LEMD2: variants seen among roughly 807,000 people sequenced by gnomAD.
The protein encoded by LEMD2 is LEM domain nuclear envelope protein 2, also known as LEM domain-containing protein 2.
Under a neutral mutation model 58.8 loss-of-function variants are expected in LEMD2, and 34 were observed. The ratio of observed to expected loss-of-function variants is 0.58; its 90% CI spans 0.44 to 0.77. The LOEUF is 0.77. Ranked by LOEUF, LEMD2 falls within the 30% of genes least tolerant of loss-of-function variation. The pLI, the probability that LEMD2 is intolerant of heterozygous loss-of-function variation, is 0.00. For synonymous variants in LEMD2, 298 were observed against 308.9 expected, an observed-to-expected ratio of 0.96 and a Z score of 0.37; for missense variants, 629 against 717.9, an observed-to-expected ratio of 0.88 and a Z score of 1.42.
chr6:33,788,276 G>T, intron 1 of LEMD2, 105 bp downstream of exon 1: 1 of 1,200,656 alleles, frequency 8.3e-7, no homozygotes, highest in Non-Finnish European at 1.1e-6. Context: ...GTCAGAGGCA[G>T]CTGACAAGGC....
chr6:33,772,628 T>C lies in LEMD2; in HGVS notation c.1512A>G (p.Ter504=). 1.2e-6 allele frequency: 2 copies of C among 1,613,266 alleles called. No homozygotes were observed. Residue 504 remains the stop codon, a stop_retained_variant, in exon 9 of 9, where the codon TAA becomes TAG. Transcript: ENST00000293760. The part of the protein sequence containing the change: ...KPSSFSDSER[*] ...CCGGGAACAAGTCCCCGCCCGGGGC[T>C]TATCGCTCTGAGTCAGAGAAGGAAG... is the stretch of plus-strand genomic sequence containing the variant.
chr6:33,777,077 T>C (rs1193359405), intron 7 of LEMD2, 21 bp from the exon 8 acceptor site: 1 of 1,612,174 alleles, frequency 6.2e-7, no homozygotes, highest in Non-Finnish European at 8.5e-7. Flanking sequence ...GAGCACACCA[T>C]TTAGGGCAAG....
Position 33,772,461 on chromosome 6 carries a change from G to C in LEMD2, c.*167C>G, listed in dbSNP as rs775501586. 1.7e-6 allele frequency: 1 copy of C among 586,520 alleles called. No individual in the cohort carries two copies. Among genetic ancestry groups the C allele is most frequent in the Non-Finnish European group, 2.9e-6 (1 of 348,306 alleles). 36.3% of individuals were successfully genotyped at this position (586,520 alleles called of 1,614,324 possible). A position where few individuals can be genotyped will look rare whatever the true frequency, so the allele number is the denominator to read the frequency against. ...TTAAAGGAAGCCCACATTTTCCTGC[G>C]AGCCGAACTCCTCTGAAGAGTATGG... is the stretch of plus-strand genomic sequence containing the variant. On this transcript the variant is annotated 3_prime_UTR_variant, in exon 9 of 9. Coordinates refer to ENST00000293760, the MANE Select transcript of LEMD2 (RefSeq NM_181336.4).
In LEMD2 at chr6:33,778,763, A is replaced by G. The variant is rs983813427; in HGVS notation, c.1011-376T>C. 10 of 163,802 alleles carry G rather than the reference A, an allele frequency of 6.1e-5. No individual in the cohort carries two copies. Among genetic ancestry groups the G allele is most frequent in the Non-Finnish European group, 1.3e-4 (10 of 76,148 alleles). 10.1% of individuals were successfully genotyped at this position (163,802 alleles called of 1,614,324 possible). A position where few individuals can be genotyped will look rare whatever the true frequency, so the allele number is the denominator to read the frequency against. On this transcript the variant is annotated intron_variant, in intron 5 of 8. Coordinates refer to ENST00000293760, the MANE Select transcript of LEMD2 (RefSeq NM_181336.4). This position sits in a 1 kb window ranked among gnomAD's most constrained non-coding sequence, Gnocchi z 4.7. ...AATTGCATGGCAAGAACTGAAAGAC[A>G]GAATCTGGGAGGTTGCACTTTTCCT...
Position 33,786,941 on chromosome 6 carries a change from T to C in LEMD2, c.737-167A>G. ...CACTTTTAAAATGCAGACAGCAAAA[T>C]GTAAGGGTATCCAAATCCTGGATTA... On this transcript the variant is annotated intron_variant, in intron 1 of 8. Coordinates refer to ENST00000293760, the MANE Select transcript of LEMD2 (RefSeq NM_181336.4). 2.1e-6 allele frequency: 3 copies of C among 1,416,634 alleles called. No homozygotes were observed. The South Asian group carries it at 4.8e-5, about 23-fold the overall frequency. The allele number at this position is 1,416,634 out of a possible 1,614,324, so 87.8% of individuals were successfully genotyped here.
In LEMD2 at chr6:33,781,171, A is replaced by C; in HGVS notation, c.854-18T>G. 7.0e-7 allele frequency: 1 copy of C among 1,420,838 alleles called. No homozygotes were observed. The highest frequency in any genetic ancestry group is 9.9e-7 in the Non-Finnish European group (1 of 1,006,980). The allele number at this position is 1,420,838 out of a possible 1,614,324, so 88.0% of individuals were successfully genotyped here. ...AAAATTACCTAGGAGAAAAAAAACC[A>C]CACATGCTCAAACACAAAGGAAAAA... On this transcript the variant is annotated intron_variant, in intron 3 of 8. Coordinates refer to ENST00000293760, the MANE Select transcript of LEMD2 (RefSeq NM_181336.4).
At chr6:33,787,063 A>G in intron 1 of LEMD2, 1 of 435,272 alleles carries the variant, frequency 2.3e-6, no homozygotes, top group Non-Finnish European at 3.9e-6. Context: ...CCTCGTCTGT[A>G]AAACGGGATC....
chr6:33,788,924 C>T lies in LEMD2; in HGVS notation c.193G>A (p.Glu65Lys), dbSNP rs749522162. The change falls in exon 1 of 9, where the codon GAG becomes AAG. Residue 65 changes from glutamate to lysine, a missense_variant. Glu to Lys is a moderately conservative substitution (Grantham distance 56). Coordinates refer to ENST00000293760, the MANE Select transcript of LEMD2 (RefSeq NM_181336.4). ...GGCGCATCCTCGCGTAACCGGGCCT[C>T]TTCCCGTAACCGCTCCTCGCCCCGC... is the stretch of plus-strand genomic sequence containing the variant. Reference protein sequence around the residue: ...RPRGEERLREEARLREDAPLR... With the variant: ...RPRGEERLREKARLREDAPLR... 5 of 1,482,788 alleles carry T rather than the reference C, an allele frequency of 3.4e-6. No individual in the cohort carries two copies. The highest frequency in any genetic ancestry group is 4.4e-6 in the Non-Finnish European group (5 of 1,123,838). 91.9% of individuals were successfully genotyped at this position (1,482,788 alleles called of 1,614,324 possible).
At chr6:33,773,274 C>T (rs992139284) in intron 8 of LEMD2, among the ~76,000 whole-genome samples, 1 of 152,286 alleles carries the variant, frequency 6.6e-6, no homozygotes, top group East Asian at 1.9e-4. Flanking sequence ...CTCTAGGGAA[C>T]CAGAGCCACA....
chr6:33,772,839 C>T, intron 8 of LEMD2, 61 bp from the exon 9 acceptor site: 2 of 1,481,544 alleles, frequency 1.3e-6, no homozygotes, highest in South Asian at 1.2e-5. Flanking sequence ...CTGTGGATGC[C>T]CCTCCTACAA....
At chr6:33,775,192 C>T (rs901642049) in intron 8 of LEMD2, among the ~76,000 whole-genome samples, 8 of 152,228 alleles carry the variant, frequency 5.3e-5, no homozygotes, top group Admixed American at 3.3e-4. Context: ...CAACAGCAAG[C>T]GCTCCTCAGA....
chr6:33,780,307 G>A (rs1039090730), intron 4 of LEMD2, 128 bp from the exon 5 acceptor site: 20 of 803,700 alleles, frequency 2.5e-5, no homozygotes, highest in Non-Finnish European at 3.6e-5. Flanking sequence ...TCTGCTAAAA[G>A]CACAGCAAAG....
intron 8 of LEMD2, among the ~76,000 whole-genome samples, chr6:33,774,287 T>C (rs1767379393): frequency 1.3e-5 from 2 of 151,258 alleles, no homozygotes; most frequent in Admixed American, 6.6e-5. Flanking sequence ...TTCTCCTGAC[T>C]CAGCCTCCCG....
chr6:33,781,173 A>C lies in LEMD2; in HGVS notation c.854-20T>G. 1 of 1,448,576 alleles carries C rather than the reference A, an allele frequency of 6.9e-7. No homozygotes were observed. The allele number at this position is 1,448,576 out of a possible 1,614,324, so 89.7% of individuals were successfully genotyped here. Reference sequence around the variant, plus strand: ...AATTACCTAGGAGAAAAAAAACCACACATGCTCAAACACAAAGGAAAAATC... The same window carrying C: ...AATTACCTAGGAGAAAAAAAACCACCCATGCTCAAACACAAAGGAAAAATC... On this transcript the variant is annotated intron_variant, in intron 3 of 8. Transcript: ENST00000293760.
rs1767302203 is a variant in LEMD2 at position 33,771,835 on chromosome 6, C to A, written c.*793G>T. 6.6e-6 allele frequency: 1 copy of A among 152,332 alleles called. No individual in the cohort carries two copies. The highest frequency in any genetic ancestry group is 1.5e-5 in the Non-Finnish European group (1 of 68,108). The allele number at this position is 152,332 out of a possible 1,614,324, so 9.4% of individuals were successfully genotyped here. A position where few individuals can be genotyped will look rare whatever the true frequency, so the allele number is the denominator to read the frequency against. On this transcript the variant is annotated 3_prime_UTR_variant, in exon 9 of 9. Coordinates refer to ENST00000293760, the MANE Select transcript of LEMD2 (RefSeq NM_181336.4). ...ATCTTCGCACACAGCAAGTGCGAGG[C>A]TCTGGGCCCTGACGCAGGGCTCCCA...
At chr6:33,777,268 C>T in intron 6 of LEMD2, 29 bp from the exon 7 acceptor site, 1 of 1,439,818 alleles carries the variant, frequency 6.9e-7, no homozygotes, top group East Asian at 2.3e-5. Flanking sequence ...CTGTTAATCC[C>T]TCACACTTCA....
chr6:33,784,938 A>C (rs1767643024), intron 2 of LEMD2, among the ~76,000 whole-genome samples: 1 of 152,184 alleles, frequency 6.6e-6, no homozygotes, highest in Non-Finnish European at 1.5e-5. Context: ...TTGTGGTAGG[A>C]TTCAGTGCGA....
intron 3 of LEMD2, among the ~76,000 whole-genome samples, chr6:33,782,512 G>A (rs558174348): frequency 3.9e-4 from 60 of 152,136 alleles, no homozygotes; most frequent in Non-Finnish European, 8.5e-4. Flanking sequence ...ATTTCCTGCC[G>A]CTTTGCCTTG....
rs775578193 is a variant in LEMD2 at position 33,788,447 on chromosome 6, C to T, written c.670G>A (p.Val224Ile). 3.2e-6 allele frequency: 5 copies of T among 1,579,414 alleles called. No homozygotes were observed. Among genetic ancestry groups the T allele is most frequent in the East Asian group, 2.3e-5 (1 of 42,760 alleles). ...LLWASLGLLL[V>I]FLGILWVKMG... is the part of the protein sequence containing the mutation. ...TTCACCCAAAGGATGCCCAGGAAGACGAGCAGTAGCCCTAGGCTGGCCCAG... is the reference window on the plus strand; with the variant it reads ...TTCACCCAAAGGATGCCCAGGAAGATGAGCAGTAGCCCTAGGCTGGCCCAG... Residue 224 changes from valine to isoleucine, a missense_variant, in exon 1 of 9, where the codon GTC becomes ATC. Around this residue, in one of 2 missense-constraint regions of LEMD2, gnomAD observed 386 missense variants for 381.1 expected, o/e 1.01. Coordinates refer to ENST00000293760, the MANE Select transcript of LEMD2 (RefSeq NM_181336.4).
Sources: allele counts gnomAD v4.1 joint callset (sites outside exome capture counted in the v4.1 genomes callset), GRCh38; gene constraint gnomAD v4.1.1; regional missense constraint gnomAD v4.1.1; non-coding constraint Gnocchi (gnomAD v3.1); transcripts MANE v1.5; gene names NCBI Gene and HGNC (gene_info 2026-07-23, HGNC 2026-07-21).